The following SRP54 variants were observed in gnomAD, a reference collection of about 807,000 sequenced individuals.
The protein encoded by SRP54 is signal recognition particle 54.
In SRP54, 10 loss-of-function variants were observed where a neutral mutation model predicts 64.8. The observed-to-expected ratio is 0.15, with a 90% confidence interval of 0.10 to 0.26. SRP54 has a LOEUF of 0.26. SRP54 is among the 10% of genes least tolerant of loss of function. SRP54 has a pLI of 1.00. For missense variants in SRP54, 325 were observed against 613.7 expected (o/e 0.53, Z 4.97); for synonymous variants, 193 against 185.6 (o/e 1.04, Z -0.32).
chr14:35,005,450 A>G (rs932668745), intron 4 of SRP54, among the ~76,000 whole-genome samples: 14 of 152,220 alleles, frequency 9.2e-5, no homozygotes, highest in African/African-American at 3.4e-4. Flanking sequence ...AGGCCGGAGT[A>G]CAGTGGCCTG....
At chr14:35,009,886 T>A (rs2044326933) in intron 7 of SRP54, among the ~76,000 whole-genome samples, 1 of 151,778 alleles carries the variant, frequency 6.6e-6, no homozygotes, top group African/African-American at 2.4e-5. Flanking sequence ...TTAAAAAATT[T>A]TCAGGCTGGG....
intron 12 of SRP54, 73 bp from the exon 13 acceptor site, chr14:35,018,893 T>A: frequency 6.9e-7 from 1 of 1,448,614 alleles, no homozygotes; most frequent in Non-Finnish European, 9.6e-7. Flanking sequence ...ATATTAAACC[T>A]AATAGTTAAA....
At chr14:34,992,587 A>G (rs2043997860) in intron 1 of SRP54, among the ~76,000 whole-genome samples, 1 of 152,174 alleles carries the variant, frequency 6.6e-6, no homozygotes, top group Non-Finnish European at 1.5e-5. Flanking sequence ...AGAGCTAAAC[A>G]TAGGTACCCA....
intron 7 of SRP54, among the ~76,000 whole-genome samples, chr14:35,009,962 A>G (rs1175723958): frequency 6.6e-6 from 1 of 152,010 alleles, no homozygotes; most frequent in Non-Finnish European, 1.5e-5. Context: ...AGCCTGGCCA[A>G]CACAGTGAAA....
chr14:35,005,371 G>C (rs1169144027), intron 4 of SRP54, among the ~76,000 whole-genome samples: 1 of 149,936 alleles, frequency 6.7e-6, no homozygotes, highest in Admixed American at 6.6e-5. Flanking sequence ...GAATGGGCAT[G>C]ACTGTATTAG....
intron 11 of SRP54, among the ~76,000 whole-genome samples, chr14:35,015,336 A>G (rs1256035372): frequency 6.6e-6 from 1 of 152,182 alleles, no homozygotes; most frequent in Non-Finnish European, 1.5e-5. Flanking sequence ...TCAGCCTCCC[A>G]AAGTGCTGAG....
chr14:34,991,850 G>A (rs1306860161), intron 1 of SRP54, among the ~76,000 whole-genome samples: 3 of 152,158 alleles, frequency 2.0e-5, no homozygotes, highest in Middle Eastern at 3.4e-3. Context: ...CATCATCCTT[G>A]GACATTGTAG....
chr14:35,029,211 G>T lies in SRP54; in HGVS notation c.*59G>T. On this transcript the variant is annotated 3_prime_UTR_variant, in exon 16 of 16. Coordinates refer to ENST00000216774, the MANE Select transcript of SRP54 (RefSeq NM_003136.4). ...ATACCTAATTTGCTGAGACCTCAGC[G>T]TTTCCCTTCTTTTTGCGAATTGGGG... 1 of 1,359,294 alleles carries T rather than the reference G, an allele frequency of 7.4e-7. No homozygotes were observed. Among genetic ancestry groups the T allele is most frequent in the East Asian group, 2.5e-5 (1 of 39,980 alleles). 84.2% of individuals were successfully genotyped at this position (1,359,294 alleles called of 1,614,324 possible).
At chr14:35,001,966 G>A (rs890564085) in intron 4 of SRP54, among the ~76,000 whole-genome samples, 4 of 151,800 alleles carry the variant, frequency 2.6e-5, no homozygotes, top group African/African-American at 7.3e-5. Flanking sequence ...TTTGGGAGGC[G>A]GAGGTGGGAG....
intron 1 of SRP54, among the ~76,000 whole-genome samples, chr14:34,985,668 T>C (rs1301139553): frequency 6.6e-6 from 1 of 152,240 alleles, no homozygotes; most frequent in East Asian, 1.9e-4. Context: ...TGTTGTTTTC[T>C]TTGGGACATG....
At chr14:34,985,847 C>CA (rs1292274143) in intron 1 of SRP54, among the ~76,000 whole-genome samples, 1 of 152,204 alleles carries the variant, frequency 6.6e-6, no homozygotes, top group African/African-American at 2.4e-5. Context: ...TCTGATTGAG[C>CA]ATTTAATTTT....
At chr14:35,025,519 G>T (rs146873199) in intron 14 of SRP54, among the ~76,000 whole-genome samples, 2 of 152,228 alleles carry the variant, frequency 1.3e-5, no homozygotes, top group East Asian at 1.9e-4. Context: ...GTTCTTGATA[G>T]AACAGATTCA....
intron 1 of SRP54, among the ~76,000 whole-genome samples, chr14:34,994,985 T>G (rs897070148): frequency 1.4e-5 from 2 of 145,172 alleles, no homozygotes; most frequent in Non-Finnish European, 3.0e-5. Context: ...GCCTGCTATG[T>G]TGCCCAGGCT....
At chr14:34,990,633 TGA>T (rs1368134965) in intron 1 of SRP54, among the ~76,000 whole-genome samples, 1 of 139,084 alleles carries the variant, frequency 7.2e-6, no homozygotes, top group African/African-American at 2.5e-5. Context: ...AAGAGAATCT[TGA>T]GAGTGTACTT....
chr14:35,004,577 A>G (rs2044228479), intron 4 of SRP54: 1 of 152,240 alleles, frequency 6.6e-6, no homozygotes, highest in South Asian at 2.1e-4. Context: ...ACAAACTACC[A>G]TGATTATAAA....
At chr14:35,008,728 A>G in intron 6 of SRP54, 35 bp downstream of exon 6, 1 of 1,604,456 alleles carries the variant, frequency 6.2e-7, no homozygotes, top group Non-Finnish European at 8.5e-7. Context: ...GTTTTATATA[A>G]TTTTTATTTT....
chr14:35,029,227 C>A lies in SRP54; in HGVS notation c.*75C>A. On this transcript the variant is annotated 3_prime_UTR_variant, in exon 16 of 16. Transcript: ENST00000216774. ...GACCTCAGCGTTTCCCTTCTTTTTG[C>A]GAATTGGGGGGAAAGTGTATTTTTC... The A allele has an allele frequency of 8.8e-7, 1 of 1,139,066 alleles. No homozygotes were observed. Among genetic ancestry groups the A allele is most frequent in the Non-Finnish European group, 1.3e-6 (1 of 789,052 alleles). 70.6% of individuals were successfully genotyped at this position (1,139,066 alleles called of 1,614,324 possible). A position where few individuals can be genotyped will look rare whatever the true frequency, so the allele number is the denominator to read the frequency against.
intron 14 of SRP54, among the ~76,000 whole-genome samples, chr14:35,023,943 T>C (rs1043635589): frequency 4.6e-5 from 7 of 152,168 alleles, no homozygotes; most frequent in Non-Finnish European, 7.4e-5. Context: ...TGCAGTTCCA[T>C]GAGACCAGGG....
intron 1 of SRP54, among the ~76,000 whole-genome samples, chr14:34,990,169 G>C (rs533240042): frequency 6.6e-6 from 1 of 152,270 alleles, no homozygotes; most frequent in African/African-American, 2.4e-5. Flanking sequence ...CCTGTGACTC[G>C]AGCCAGGATC....
Sources: gnomAD v4.1 joint callset for allele counts (sites outside exome capture counted in the v4.1 genomes callset) on GRCh38, gnomAD v4.1.1 for gene constraint, MANE v1.5 for transcripts, NCBI Gene and HGNC (gene_info 2026-07-23, HGNC 2026-07-21) for gene names.